The following DNAAF9 variants were observed in gnomAD, a reference collection of about 807,000 sequenced individuals.
DNAAF9 encodes dynein axonemal assembly factor 9.
DNAAF9 carries 90 observed loss-of-function variants against 167.0 expected under a neutral mutation model. The ratio of observed to expected loss-of-function variants is 0.54; its 90% CI spans 0.45 to 0.64. The LOEUF (loss-of-function observed/expected upper bound fraction) is 0.64, where lower values mean the gene tolerates loss of function less well. Ranked by LOEUF, DNAAF9 falls within the 30% of genes least tolerant of loss-of-function variation. The probability of loss-of-function intolerance (pLI) is 0.00; values close to 1 mark genes in which losing one functional copy is unlikely to be tolerated. For synonymous variants in DNAAF9, 491 were observed against 508.8 expected, an observed-to-expected ratio of 0.96 and a Z score of 0.47; for missense variants, 1,315 against 1,442.2, an observed-to-expected ratio of 0.91 and a Z score of 1.43.
At chr20:3,359,101 A>G (rs922568297) in intron 7 of DNAAF9, among the ~76,000 whole-genome samples, 2 of 152,194 alleles carry the variant, frequency 1.3e-5, no homozygotes, top group Non-Finnish European at 2.9e-5. Flanking sequence ...AAATATCACT[A>G]ACTAGACTTT....
At chr20:3,340,154 A>G (rs921944030) in intron 10 of DNAAF9, among the ~76,000 whole-genome samples, 3 of 152,228 alleles carry the variant, frequency 2.0e-5, no homozygotes, top group African/African-American at 4.8e-5. Flanking sequence ...TCAAGGCATA[A>G]CAAACTTAGG....
intron 4 of DNAAF9, among the ~76,000 whole-genome samples, chr20:3,375,468 C>T (rs1306833749): frequency 6.6e-6 from 1 of 152,072 alleles, no homozygotes; most frequent in Non-Finnish European, 1.5e-5. Flanking sequence ...ATCTCAAATC[C>T]AAACTTGATT....
intron 12 of DNAAF9, among the ~76,000 whole-genome samples, chr20:3,328,188 T>TTTTTTTTTTTTGTTTGTTTTG (rs1555792494): frequency 2.2e-5 from 3 of 138,776 alleles, no homozygotes; most frequent in African/African-American, 8.7e-5. Context: ...GCTCTGTTTT[T>TTTTTTTTTTTTGTTTGTTTTG]TTTTTTTTTT....
intron 6 of DNAAF9, among the ~76,000 whole-genome samples, chr20:3,371,333 CTTTTTTTTTTTTTTTT>C (rs532202424): frequency 1.2e-5 from 1 of 84,076 alleles, no homozygotes; most frequent in Admixed American, 1.6e-4. Context: ...TGAAGAAAAT[CTTTTTTTTTTTTTTTT>C]TTTTTTTTTT....
At chr20:3,308,341 CTT>C (rs35610785) in intron 20 of DNAAF9, among the ~76,000 whole-genome samples, 4,141 of 105,378 alleles carry the variant, frequency 0.039, 75 homozygotes, top group African/African-American at 0.078. Flanking sequence ...CAAAACTTTA[CTT>C]TTTTTTTTTT....
At chr20:3,395,555 C>T (rs1048097424) in intron 1 of DNAAF9, among the ~76,000 whole-genome samples, 1 of 152,122 alleles carries the variant, frequency 6.6e-6, no homozygotes, top group African/African-American at 2.4e-5. Context: ...GCTGGGGTTA[C>T]AGGTGTGAGC....
At chr20:3,334,514 C>T (rs1194256082) in intron 10 of DNAAF9, among the ~76,000 whole-genome samples, 1 of 152,174 alleles carries the variant, frequency 6.6e-6, no homozygotes, top group Admixed American at 6.5e-5. Context: ...TTATAAATAT[C>T]CATATGCAGG....
intron 29 of DNAAF9, among the ~76,000 whole-genome samples, chr20:3,278,447 G>A (rs573553368): frequency 3.9e-5 from 6 of 152,254 alleles, no homozygotes; most frequent in Non-Finnish European, 5.9e-5. Flanking sequence ...CAGGCCAGGC[G>A]CCGTGGCTCA....
At chr20:3,319,371 C>G (rs2069574486) in intron 16 of DNAAF9, among the ~76,000 whole-genome samples, 1 of 150,828 alleles carries the variant, frequency 6.6e-6, no homozygotes, top group African/African-American at 2.4e-5. Context: ...TAGAACAACT[C>G]AGAGAGCTCC....
Position 3,407,630 on chromosome 20 carries a change from C to A in DNAAF9, c.-73G>T. On this transcript the variant is annotated 5_prime_UTR_variant, in exon 1 of 37. Coordinates refer to ENST00000252032, the MANE Select transcript of DNAAF9 (RefSeq NM_001009984.3). ...CTCAGTTGCCCGCAGGGCGGCTCCA[C>A]GCTAGCTGCGGCCGGGCGGGGCGGC... 8.5e-7 allele frequency: 1 copy of A among 1,181,012 alleles called. No individual in the cohort carries two copies. Among genetic ancestry groups the A allele is most frequent in the East Asian group, 3.6e-5 (1 of 27,564 alleles). The allele number at this position is 1,181,012 out of a possible 1,614,324, so 73.2% of individuals were successfully genotyped here.
At chr20:3,319,099 A>AG (rs1568601711) in intron 16 of DNAAF9, among the ~76,000 whole-genome samples, 1 of 140,522 alleles carries the variant, frequency 7.1e-6, no homozygotes, top group Non-Finnish European at 1.5e-5. Context: ...AAAAAAAAAA[A>AG]AAAAAGAAAA....
At chr20:3,310,369 G>GAAAGAAAGA (rs1568596658) in intron 20 of DNAAF9, among the ~76,000 whole-genome samples, 2 of 150,954 alleles carry the variant, frequency 1.3e-5, no homozygotes, top group African/African-American at 4.9e-5. Context: ...AAGAAAGAAA[G>GAAAGAAAGA]AAAGAAAGAA....
intron 20 of DNAAF9, among the ~76,000 whole-genome samples, chr20:3,307,658 G>A (rs2069324020): frequency 6.6e-6 from 1 of 152,060 alleles, no homozygotes; most frequent in Non-Finnish European, 1.5e-5. Flanking sequence ...CCCAGGATAA[G>A]AGGAAGTTTC....
At chr20:3,368,483 T>C (rs2083459404) in intron 6 of DNAAF9, among the ~76,000 whole-genome samples, 2 of 151,666 alleles carry the variant, frequency 1.3e-5, no homozygotes, top group South Asian at 4.2e-4. Flanking sequence ...TTTTTCTTTT[T>C]TGGCCAAACT....
intron 32 of DNAAF9, 79 bp downstream of exon 32, chr20:3,259,843 A>G: frequency 1.2e-6 from 1 of 832,702 alleles, no homozygotes; most frequent in Non-Finnish European, 2.0e-6. Context: ...CACATAGAAT[A>G]CTGAAATGGT....
chr20:3,376,395 C>A, intron 3 of DNAAF9, 93 bp from the exon 4 acceptor site: 2 of 1,021,098 alleles, frequency 2.0e-6, no homozygotes, highest in East Asian at 2.6e-5. Flanking sequence ...ATTGAAACTA[C>A]TTCAGAGACA....
chr20:3,371,413 G>A (rs1383696298), intron 6 of DNAAF9, among the ~76,000 whole-genome samples: 2 of 132,692 alleles, frequency 1.5e-5, no homozygotes, highest in African/African-American at 2.9e-5. Context: ...GCGCTATCTC[G>A]GCTCACTGCA....
intron 20 of DNAAF9, among the ~76,000 whole-genome samples, chr20:3,307,937 T>C (rs2069329577): frequency 7.9e-6 from 1 of 127,280 alleles, no homozygotes; most frequent in African/African-American, 3.1e-5. Context: ...CCTGTGTCTA[T>C]AAATGTGTGT....
chr20:3,299,057 T>C (rs1010022790), intron 21 of DNAAF9, among the ~76,000 whole-genome samples: 5 of 150,262 alleles, frequency 3.3e-5, no homozygotes, highest in Non-Finnish European at 7.4e-5. Flanking sequence ...TACAGGTCCG[T>C]GCCACCATGC....
Sources: allele counts gnomAD v4.1 joint callset (sites outside exome capture counted in the v4.1 genomes callset), GRCh38; gene constraint gnomAD v4.1.1; transcripts MANE v1.5; gene names NCBI Gene and HGNC (gene_info 2026-07-23, HGNC 2026-07-21).